The following EVI5L variants were observed in gnomAD, a reference collection of about 807,000 sequenced individuals.
EVI5L encodes the protein ecotropic viral integration site 5 like, also known as EVI5-like protein.
A neutral mutation model predicts 106.1 loss-of-function variants in EVI5L; 30 were observed. The ratio of observed to expected loss-of-function variants is 0.28; its 90% confidence interval spans 0.21 to 0.38. The LOEUF (loss-of-function observed/expected upper bound fraction) is 0.38. Ranked by LOEUF, EVI5L falls within the 10% of genes least tolerant of loss-of-function variation. EVI5L has a pLI of 1.00. For missense variants in EVI5L, 809 were observed against 1,098.0 expected (o/e 0.74, Z 3.72); for synonymous variants, 489 against 483.3 (o/e 1.01, Z -0.15).
intron 1 of EVI5L, among the ~76,000 whole-genome samples, chr19:7,838,974 A>G: frequency 6.7e-6 from 1 of 148,612 alleles, no homozygotes; most frequent in Middle Eastern, 3.5e-3. Context: ...CCAGCCTGGG[A>G]GACAGAGCAA....
chr19:7,834,030 C>T lies in EVI5L; in HGVS notation c.-48+3649C>T, dbSNP rs577822445. 8.9e-4 allele frequency among the ~76,000 whole-genome samples: 136 copies of T among 152,264 alleles called. 4 individuals carry two copies. In the South Asian group the frequency reaches 0.027, roughly 31 times the overall value. On this transcript the variant is annotated intron_variant, in intron 1 of 19. Transcript: ENST00000538904. Reference sequence around the variant, plus strand: ...CTTTCATTCATTTCTCAGCATGCCACGATATGCTTGTGAGAGTGTTTGATT... The same window carrying T: ...CTTTCATTCATTTCTCAGCATGCCATGATATGCTTGTGAGAGTGTTTGATT...
chr19:7,861,771 C>G, intron 14 of EVI5L, 107 bp from the exon 15 acceptor site: 5 of 1,421,226 alleles, frequency 3.5e-6, no homozygotes, highest in Non-Finnish European at 4.7e-6. Context: ...CCATCTGAGC[C>G]GCCCAAGGCA....
chr19:7,850,546 G>T lies in EVI5L; in HGVS notation c.753+424G>T, dbSNP rs1019701904. ...GCAGCCCCCGCAGGGCCTGCTCCCG[G>T]CTGGCAGGCAGAGCCGCCAAGGCCG... On this transcript the variant is annotated intron_variant, in intron 6 of 19. Coordinates refer to ENST00000538904, the MANE Select transcript of EVI5L (RefSeq NM_001159944.3). The surrounding 1 kb of genome is among the most constrained non-coding windows in gnomAD (Gnocchi z 5.4). Among the ~76,000 whole-genome samples, 3 of 152,156 alleles carry T rather than the reference G, an allele frequency of 2.0e-5. No individual in the cohort carries two copies. The highest frequency in any genetic ancestry group is 4.4e-5 in the Non-Finnish European group (3 of 68,018).
Position 7,862,251 on chromosome 19 carries a change from C to T in EVI5L, c.1774C>T (p.Gln592Ter). ...CCTGGCCGAGGGCCGCGAGCTGCGG[C>T]AGCGCGTGGTGGAACTTGAGACGCA... ...QALAEGRELR[Q>*]RVVELETQDH... Residue 592 changes from glutamine (Q) to a stop codon, truncating the protein, a stop_gained, in exon 16 of 20, where the codon CAG becomes TAG. Transcript: ENST00000538904. LOFTEE classifies it high-confidence loss of function. 1 of 1,576,818 alleles carries T rather than the reference C, an allele frequency of 6.3e-7. No homozygotes were observed. Among genetic ancestry groups the T allele is most frequent in the Non-Finnish European group, 8.6e-7 (1 of 1,161,794 alleles).
At chr19:7,860,417 G>C in intron 13 of EVI5L, 144 bp from the exon 14 acceptor site, 2 of 628,604 alleles carry the variant, frequency 3.2e-6, no homozygotes, top group East Asian at 6.2e-5. Context: ...CTGAGCATCA[G>C]GGGGTCCAGC....
chr19:7,845,719 C>T lies in EVI5L; in HGVS notation c.-47-777C>T, dbSNP rs566622351. On this transcript the variant is annotated intron_variant, in intron 1 of 19. Coordinates refer to ENST00000538904, the MANE Select transcript of EVI5L (RefSeq NM_001159944.3). The surrounding 1 kb of genome is among the most constrained non-coding windows in gnomAD (Gnocchi z 4.0). ...CTGCCTCCACCAGGGTGGCAGAAGG[C>T]GAGAGGCCAGTGTCCTTGAAGCCCC... Among the ~76,000 whole-genome samples the T allele has an allele frequency of 2.6e-5, 4 of 152,306 alleles. No homozygotes were observed. The South Asian group carries it at 6.2e-4, about 24-fold the overall frequency.
Position 7,858,312 on chromosome 19 carries a change from G to T in EVI5L, c.1355G>T (p.Arg452Leu). ...EDLQKAQSTIRQLQEQQENPR... is the reference protein window; with the variant it reads ...EDLQKAQSTILQLQEQQENPR... ...CTGCAGAAGGCACAGAGCACCATCC[G>T]GCAGCTACAGGAGCAGCAGGTAGGG... Residue 452 changes from arginine (R) to leucine (L), a missense_variant, in exon 13 of 20, where the codon CGG (arginine) becomes CTG (leucine). Transcript: ENST00000538904. This position sits in a 1 kb window ranked among gnomAD's most constrained non-coding sequence, Gnocchi z 5.7. The T allele has an allele frequency of 6.5e-7, 1 of 1,547,830 alleles. No homozygotes were observed. The highest frequency in any genetic ancestry group is 8.7e-7 in the Non-Finnish European group (1 of 1,146,872).
In EVI5L at chr19:7,856,971, G is replaced by T. The variant is rs778567407; in HGVS notation, c.1201-121G>T. The T allele has an allele frequency of 3.9e-6, 4 of 1,023,646 alleles. No individual in the cohort carries two copies. The highest frequency in any genetic ancestry group is 4.0e-5 in the Admixed American group (2 of 50,358). The allele number at this position is 1,023,646 out of a possible 1,614,324, so 63.4% of individuals were successfully genotyped here. Reference sequence around the variant, plus strand: ...TCTGGTCTTCCCTCCTCTCTCCCCCGCTTCTAGAGATAGTCCACTGCGTTA... The same window carrying T: ...TCTGGTCTTCCCTCCTCTCTCCCCCTCTTCTAGAGATAGTCCACTGCGTTA... On this transcript the variant is annotated intron_variant, in intron 11 of 19. Transcript: ENST00000538904. This position sits in a 1 kb window ranked among gnomAD's most constrained non-coding sequence, Gnocchi z 6.6.
chr19:7,846,795 A>G, intron 2 of EVI5L, 116 bp downstream of exon 2: 1 of 1,352,428 alleles, frequency 7.4e-7, no homozygotes, highest in South Asian at 1.5e-5. Flanking sequence ...TGTGACAGCC[A>G]CCTCCAGATG....
rs1979611443 is a variant in EVI5L, at chr19:7,857,920, G to A, written c.1234-271G>A. ...AAGGATCCCAACTGGGGCAGAGACT[G>A]AGAGCCAGAGTGGGGAAGGAGATGG... On this transcript the variant is annotated intron_variant, in intron 12 of 19. Coordinates refer to ENST00000538904, the MANE Select transcript of EVI5L (RefSeq NM_001159944.3). The surrounding 1 kb of genome is among the most constrained non-coding windows in gnomAD (Gnocchi z 4.5). The A allele has an allele frequency of 2.2e-6, 1 of 457,588 alleles. No homozygotes were observed. Among genetic ancestry groups the A allele is most frequent in the Non-Finnish European group, 4.0e-6 (1 of 252,592 alleles). 28.3% of individuals were successfully genotyped at this position (457,588 alleles called of 1,614,324 possible). A position where few individuals can be genotyped will look rare whatever the true frequency, so the allele number is the denominator to read the frequency against.
intron 1 of EVI5L, among the ~76,000 whole-genome samples, chr19:7,837,057 G>T (rs1003355768): frequency 2.0e-5 from 3 of 151,134 alleles, no homozygotes; most frequent in Non-Finnish European, 4.4e-5. Context: ...ATGGCCAGTT[G>T]TGGTGGCTCA....
Position 7,858,446 on chromosome 19 carries a change from G to A in EVI5L, c.1374+115G>A, listed in dbSNP as rs1026291491. 7.4e-7 allele frequency: 1 copy of A among 1,342,966 alleles called. No homozygotes were observed. The highest frequency in any genetic ancestry group is 1.5e-5 in the African/African-American group (1 of 66,848). The allele number at this position is 1,342,966 out of a possible 1,614,324, so 83.2% of individuals were successfully genotyped here. ...CCCCGCCTCAGCACCTGGCCCTCCT[G>A]TTCCTTTCTGGGGTAAGGGGAACCC... On this transcript the variant is annotated intron_variant, in intron 13 of 19. Coordinates refer to ENST00000538904, the MANE Select transcript of EVI5L (RefSeq NM_001159944.3). The surrounding 1 kb of genome is among the most constrained non-coding windows in gnomAD (Gnocchi z 5.7).
intron 1 of EVI5L, among the ~76,000 whole-genome samples, chr19:7,840,273 G>A (rs1978543009): frequency 6.6e-6 from 1 of 152,228 alleles, no homozygotes; most frequent in Non-Finnish European, 1.5e-5. Flanking sequence ...GAGGTCAGGA[G>A]TTCAAGACGA....
In EVI5L at chr19:7,863,764, G is replaced by C. The variant is rs377029692; in HGVS notation, c.*62G>C. 129 of 1,421,562 alleles carry C rather than the reference G, an allele frequency of 9.1e-5. No homozygotes were observed. The South Asian group carries it at 1.8e-3, about 20-fold the overall frequency. The allele number at this position is 1,421,562 out of a possible 1,614,324, so 88.1% of individuals were successfully genotyped here. A position where few individuals can be genotyped will look rare whatever the true frequency, so the allele number is the denominator to read the frequency against. On this transcript the variant is annotated 3_prime_UTR_variant, in exon 20 of 20. Coordinates refer to ENST00000538904, the MANE Select transcript of EVI5L (RefSeq NM_001159944.3). This position sits in a 1 kb window ranked among gnomAD's most constrained non-coding sequence, Gnocchi z 7.7. ...GCCGCGGGGGGCGCCCGGGCAGTCC[G>C]CGTTCTGCTCCCCACCTGCCGCACT... is the stretch of plus-strand genomic sequence containing the variant.
intron 1 of EVI5L, among the ~76,000 whole-genome samples, chr19:7,831,415 G>A (rs1328671847): frequency 6.0e-5 from 9 of 149,980 alleles, no homozygotes; most frequent in Non-Finnish European, 8.9e-5. Flanking sequence ...CAGAGTCCCC[G>A]ACAGCTCCCC....
rs1978289818 is a variant in EVI5L at position 7,830,357 on chromosome 19, GGA to G, written c.-69_-68del. The G allele has an allele frequency of 6.6e-6, 1 of 151,226 alleles. No homozygotes were observed. The highest frequency in any genetic ancestry group is 1.5e-5 in the Non-Finnish European group (1 of 67,428). The allele number at this position is 151,226 out of a possible 1,614,324, so 9.4% of individuals were successfully genotyped here. On this transcript the variant is annotated 5_prime_UTR_variant, in exon 1 of 20. The change creates a new upstream start codon in the 5' untranslated region. Coordinates refer to ENST00000538904, the MANE Select transcript of EVI5L (RefSeq NM_001159944.3). ...AGCCCGGGGCGGCGAGGCTCGGCAC[GGA>G]GATGGCGGCGCGCTCGGCGCAGGTA... is the stretch of plus-strand genomic sequence containing the variant.
At position 7,846,696 on chromosome 19, in the gene EVI5L, G is replaced by C. The variant is rs751741900; in HGVS notation, c.137+17G>C. On this transcript the variant is annotated intron_variant, in intron 2 of 19. Coordinates refer to ENST00000538904, the MANE Select transcript of EVI5L (RefSeq NM_001159944.3). ...GCAGAACCGGTGAGTTGGGGGCTGGGGGATGGGGTGAAATCTTGGGGTGCA... is the reference window on the plus strand; with the variant it reads ...GCAGAACCGGTGAGTTGGGGGCTGGCGGATGGGGTGAAATCTTGGGGTGCA... 10 of 1,608,632 alleles carry C rather than the reference G, an allele frequency of 6.2e-6. No individual in the cohort carries two copies. In the Middle Eastern group the frequency reaches 5.0e-4, roughly 80 times the overall value.
chr19:7,835,973 A>G lies in EVI5L; in HGVS notation c.-48+5592A>G, dbSNP rs1978332998. 6.6e-6 allele frequency among the ~76,000 whole-genome samples: 1 copy of G among 152,014 alleles called. No individual in the cohort carries two copies. Among genetic ancestry groups the G allele is most frequent in the African/African-American group, 2.4e-5 (1 of 41,364 alleles). ...GGGGTAGGGCCGGGCGTGGTGGCTC[A>G]CACCTGTGATCTCGGTACTTTGGGA... On this transcript the variant is annotated intron_variant, in intron 1 of 19. Transcript: ENST00000538904. This position sits in a 1 kb window ranked among gnomAD's most constrained non-coding sequence, Gnocchi z 4.1.
rs545291295 is a variant in EVI5L at position 7,859,367 on chromosome 19, C to G, written c.1374+1036C>G. 1.4e-4 allele frequency among the ~76,000 whole-genome samples: 22 copies of G among 152,286 alleles called. No homozygotes were observed. In the South Asian group the frequency reaches 4.6e-3, roughly 32 times the overall value. On this transcript the variant is annotated intron_variant, in intron 13 of 19. Transcript: ENST00000538904. ...CCATCCTGGCCTGACCCAGCAGGGC[C>G]TGGCAGTGGGGTGTAGGTTGGAGAA...
Sources: allele counts gnomAD v4.1 joint callset (sites outside exome capture counted in the v4.1 genomes callset), GRCh38; gene constraint gnomAD v4.1.1; non-coding constraint Gnocchi (gnomAD v3.1); transcripts MANE v1.5; gene names NCBI Gene and HGNC (gene_info 2026-07-23, HGNC 2026-07-21).